The following SATB2 variants were observed in gnomAD, a reference collection of about 807,000 sequenced individuals.
SATB2 encodes the protein SATB homeobox 2.
Under a neutral mutation model 73.4 loss-of-function variants are expected in SATB2, and 1 was observed. The observed-to-expected ratio is 0.01, with a 90% confidence interval of 0.00 to 0.06. The LOEUF is 0.06. SATB2 is among the 10% of genes least tolerant of loss of function. SATB2 has a pLI of 1.00. For synonymous variants in SATB2, 397 were observed against 367.0 expected (o/e 1.08, Z -0.93); for missense variants, 459 against 945.8 (o/e 0.49, Z 6.75).
intron 2 of SATB2, among the ~76,000 whole-genome samples, chr2:199,435,506 G>A (rs370066831): frequency 2.6e-5 from 4 of 151,896 alleles, no homozygotes; most frequent in Non-Finnish European, 5.9e-5. Flanking sequence ...CCGTCAACAC[G>A]CCTGGCTAAT....
At chr2:199,444,922 G>A (rs1433829617) in intron 2 of SATB2, among the ~76,000 whole-genome samples, 1 of 152,196 alleles carries the variant, frequency 6.6e-6, no homozygotes, top group Non-Finnish European at 1.5e-5. Context: ...TGAGAGGCTG[G>A]CGGCGAGAAA....
chr2:199,470,622 A>G (rs1170269880), intron 1 of SATB2: 1 of 152,332 alleles, frequency 6.6e-6, no homozygotes. Context: ...AGCTTATTCT[A>G]CAAGAAGTGC....
At chr2:199,422,480 C>G (rs940799596) in intron 3 of SATB2, among the ~76,000 whole-genome samples, 1 of 152,128 alleles carries the variant, frequency 6.6e-6, no homozygotes, top group Non-Finnish European at 1.5e-5. Flanking sequence ...AAGCTCAAAA[C>G]AAGCTCCCCA....
intron 6 of SATB2, among the ~76,000 whole-genome samples, chr2:199,355,342 G>GTATCTA (rs1249092587): frequency 1.8e-4 from 1 of 5,422 alleles, no homozygotes; most frequent in Non-Finnish European, 5.6e-3. Context: ...GTGTGTGTGT[G>GTATCTA]TGTATCTATA....
chr2:199,309,530 A>C (rs1574492977), intron 9 of SATB2, among the ~76,000 whole-genome samples: 1 of 152,318 alleles, frequency 6.6e-6, no homozygotes, highest in East Asian at 1.9e-4. Flanking sequence ...GGCCCTCTTA[A>C]CCATCACCTT....
In SATB2 at chr2:199,455,444, T is replaced by G. The variant is rs1182021229; in HGVS notation, c.169+425A>C. ...GCACTGTCCTCACTACAAAGTAACA[T>G]CAACTCTCCTTGTTCCTGTACTCGC... On this transcript the variant is annotated intron_variant, in intron 2 of 10. Coordinates refer to ENST00000417098, the MANE Select transcript of SATB2 (RefSeq NM_001172509.2). This position sits in a 1 kb window ranked among gnomAD's most constrained non-coding sequence, Gnocchi z 4.1. Among the ~76,000 whole-genome samples, 1 of 152,214 alleles carries G rather than the reference T, an allele frequency of 6.6e-6. No individual in the cohort carries two copies.
At chr2:199,413,265 A>G (rs1263197318) in intron 3 of SATB2, among the ~76,000 whole-genome samples, 2 of 152,252 alleles carry the variant, frequency 1.3e-5, no homozygotes, top group East Asian at 1.9e-4. Flanking sequence ...GAAGTCCCCA[A>G]TTTTATAGAT....
intron 10 of SATB2, among the ~76,000 whole-genome samples, chr2:199,290,196 A>T (rs1692814183): frequency 2.0e-5 from 3 of 152,244 alleles, no homozygotes; most frequent in African/African-American, 7.2e-5. Flanking sequence ...CATGAGCAGC[A>T]CTACGCCTTG....
chr2:199,272,611 G>C lies in SATB2; in HGVS notation c.1802C>G (p.Pro601Arg). 1 of 1,614,100 alleles carries C rather than the reference G, an allele frequency of 6.2e-7. No individual in the cohort carries two copies. Among genetic ancestry groups the C allele is most frequent in the Non-Finnish European group, 8.5e-7 (1 of 1,180,026 alleles). ...GTCTTCAGTCGGAGGAGGTGGGGGA[G>C]GCGCTTCTTCTCTGGGAGGGGAACT... ...KESSPPREEAPPPPPPTEDSC... is the reference protein window; with the variant it reads ...KESSPPREEARPPPPPTEDSC... The change falls in exon 11 of 11, where the codon CCT becomes CGT. Residue 601 changes from proline (P) to arginine (R), a missense_variant. Coordinates refer to ENST00000417098, the MANE Select transcript of SATB2 (RefSeq NM_001172509.2). This position sits in a 1 kb window ranked among gnomAD's most constrained non-coding sequence, Gnocchi z 6.7.
chr2:199,286,508 T>C (rs1692692116), intron 10 of SATB2, among the ~76,000 whole-genome samples: 2 of 152,118 alleles, frequency 1.3e-5, no homozygotes, highest in Admixed American at 6.5e-5. Context: ...ACACAATCCA[T>C]GAGAAGACTT....
intron 9 of SATB2, among the ~76,000 whole-genome samples, chr2:199,323,194 C>A (rs1290190223): frequency 6.6e-6 from 1 of 152,060 alleles, no homozygotes; most frequent in African/African-American, 2.4e-5. Context: ...TCCACAATCC[C>A]AGAACTCTGA....
intron 6 of SATB2, among the ~76,000 whole-genome samples, chr2:199,351,555 A>G (rs186488106): frequency 7.4e-4 from 113 of 152,318 alleles, no homozygotes; most frequent in Admixed American, 2.2e-3. Flanking sequence ...TATTGTATTA[A>G]TTAAACTTTA....
At chr2:199,427,808 A>G (rs1691381415) in intron 3 of SATB2, among the ~76,000 whole-genome samples, 1 of 152,170 alleles carries the variant, frequency 6.6e-6, no homozygotes, top group Non-Finnish European at 1.5e-5. Flanking sequence ...AACTGAAAGA[A>G]TATTCATTTC....
At chr2:199,424,409 G>A (rs1460293668) in intron 3 of SATB2, among the ~76,000 whole-genome samples, 1 of 152,102 alleles carries the variant, frequency 6.6e-6, no homozygotes, top group Non-Finnish European at 1.5e-5. Flanking sequence ...CTGTCATACT[G>A]TAAACAAAGG....
At chr2:199,357,245 G>A (rs1689014158) in intron 6 of SATB2, among the ~76,000 whole-genome samples, 1 of 152,198 alleles carries the variant, frequency 6.6e-6, no homozygotes, top group South Asian at 2.1e-4. Context: ...TATGTGACAG[G>A]AAGGATGGAT....
chr2:199,355,342 G>C (rs74182320), intron 6 of SATB2, among the ~76,000 whole-genome samples: 2 of 5,422 alleles, frequency 3.7e-4, no homozygotes, highest in African/African-American at 4.1e-4. Context: ...GTGTGTGTGT[G>C]TGTATCTATA....
intron 2 of SATB2, among the ~76,000 whole-genome samples, chr2:199,450,082 G>C (rs937242990): frequency 6.6e-6 from 1 of 152,052 alleles, no homozygotes; most frequent in African/African-American, 2.4e-5. Context: ...TATTCTTGGG[G>C]AGTGGGGGAG....
chr2:199,450,789 A>G (rs1052442497), intron 2 of SATB2, among the ~76,000 whole-genome samples: 1 of 152,114 alleles, frequency 6.6e-6, no homozygotes, highest in Non-Finnish European at 1.5e-5. Flanking sequence ...TTCACTGCTT[A>G]CTACTTTGTC....
chr2:199,277,991 G>A (rs1255420213), intron 10 of SATB2, among the ~76,000 whole-genome samples: 1 of 152,146 alleles, frequency 6.6e-6, no homozygotes, highest in East Asian at 1.9e-4. Context: ...ACTTCTATGA[G>A]TAAAATATAG....
Sources: allele counts gnomAD v4.1 joint callset (sites outside exome capture counted in the v4.1 genomes callset), GRCh38; gene constraint gnomAD v4.1.1; non-coding constraint Gnocchi (gnomAD v3.1); transcripts MANE v1.5; gene names NCBI Gene and HGNC (gene_info 2026-07-23, HGNC 2026-07-21).